The following MAN1A2 variants were observed in gnomAD, a reference collection of about 807,000 sequenced individuals.
The protein encoded by MAN1A2 is mannosyl-oligosaccharide 1,2-alpha-mannosidase IB.
In MAN1A2, 26 loss-of-function variants were observed where a neutral mutation model predicts 75.7. The observed-to-expected ratio is 0.34, with a 90% confidence interval of 0.25 to 0.48. The LOEUF (loss-of-function observed/expected upper bound fraction) is 0.48, where lower values mean the gene tolerates loss of function less well. Ranked by LOEUF, MAN1A2 falls within the 20% of genes least tolerant of loss-of-function variation. The pLI is 0.99. For synonymous variants in MAN1A2, 247 were observed against 264.6 expected (o/e 0.93, Z 0.65); for missense variants, 562 against 775.5 (o/e 0.72, Z 3.27).
intron 8 of MAN1A2, among the ~76,000 whole-genome samples, chr1:117,492,123 T>G (rs1222737824): frequency 6.6e-6 from 1 of 152,072 alleles, no homozygotes; most frequent in African/African-American, 2.4e-5. Flanking sequence ...GGCCTCCAAG[T>G]TTGAAAGAAT....
At chr1:117,476,550 G>T (rs572077787) in intron 8 of MAN1A2, among the ~76,000 whole-genome samples, 10 of 152,106 alleles carry the variant, frequency 6.6e-5, no homozygotes, top group African/African-American at 1.9e-4. Context: ...TGTAAGGAAG[G>T]GGCCCAGTTT....
intron 5 of MAN1A2, 47 bp from the exon 6 acceptor site, chr1:117,442,184 G>A: frequency 8.6e-7 from 1 of 1,164,524 alleles, no homozygotes; most frequent in East Asian, 2.3e-5. Context: ...ATAAGTAAAT[G>A]CTTACTAATG....
At chr1:117,419,576 C>G (rs1226025991) in intron 4 of MAN1A2, among the ~76,000 whole-genome samples, 1 of 152,010 alleles carries the variant, frequency 6.6e-6, no homozygotes, top group African/African-American at 2.4e-5. Flanking sequence ...GTTGGAAAGA[C>G]TTTAGAGTAA....
At chr1:117,497,717 A>G (rs1002488994) in intron 10 of MAN1A2, among the ~76,000 whole-genome samples, 10 of 152,024 alleles carry the variant, frequency 6.6e-5, no homozygotes, top group Admixed American at 1.3e-4. Context: ...TAAAAAAGAC[A>G]AAAGGTTTCT....
At chr1:117,447,939 G>GT (rs1351615282) in intron 6 of MAN1A2, among the ~76,000 whole-genome samples, 1 of 152,144 alleles carries the variant, frequency 6.6e-6, no homozygotes, top group African/African-American at 2.4e-5. Flanking sequence ...TTTTAAAATA[G>GT]TTTTTTCTAA....
intron 8 of MAN1A2, among the ~76,000 whole-genome samples, chr1:117,490,092 A>G (rs960647581): frequency 6.6e-6 from 1 of 152,030 alleles, no homozygotes; most frequent in Non-Finnish European, 1.5e-5. Flanking sequence ...AGGTGGGATG[A>G]AGTAAGAATA....
intron 1 of MAN1A2, among the ~76,000 whole-genome samples, chr1:117,396,949 T>C (rs1291563507): frequency 6.6e-6 from 1 of 151,966 alleles, no homozygotes; most frequent in Admixed American, 6.6e-5. Context: ...TTTTTTTTTT[T>C]AGTGATTGTT....
At chr1:117,481,109 C>G (rs1462940049) in intron 8 of MAN1A2, among the ~76,000 whole-genome samples, 1 of 151,884 alleles carries the variant, frequency 6.6e-6, no homozygotes, top group Non-Finnish European at 1.5e-5. Context: ...AGTATTTATC[C>G]ATTGACCTGT....
At chr1:117,430,120 C>T (rs1295612099) in intron 5 of MAN1A2, among the ~76,000 whole-genome samples, 2 of 79,268 alleles carry the variant, frequency 2.5e-5, no homozygotes, top group Non-Finnish European at 5.1e-5. Flanking sequence ...GGTAGCTGGC[C>T]GGGCTGAGGG....
At chr1:117,405,034 G>A (rs902473622) in intron 2 of MAN1A2, among the ~76,000 whole-genome samples, 5 of 152,120 alleles carry the variant, frequency 3.3e-5, no homozygotes, top group African/African-American at 9.7e-5. Context: ...GTGACAGAGC[G>A]AGACTCCATC....
At position 117,523,396 on chromosome 1, in the gene MAN1A2, C is replaced by T; in HGVS notation, c.*439C>T. On this transcript the variant is annotated 3_prime_UTR_variant, in exon 13 of 13. Transcript: ENST00000356554. Reference sequence around the variant, plus strand: ...ATTCAAATCAAATATTTACATATTGCTTATCACTTTTTCTCCATTTTAATA... The same window carrying T: ...ATTCAAATCAAATATTTACATATTGTTTATCACTTTTTCTCCATTTTAATA... 2.8e-6 allele frequency: 1 copy of T among 358,398 alleles called. No homozygotes were observed. The highest frequency in any genetic ancestry group is 3.8e-5 in the Admixed American group (1 of 26,384). 22.2% of individuals were successfully genotyped at this position (358,398 alleles called of 1,614,324 possible). A position where few individuals can be genotyped will look rare whatever the true frequency, so the allele number is the denominator to read the frequency against.
chr1:117,499,811 TAAGTA>T (rs1457224554), intron 11 of MAN1A2, among the ~76,000 whole-genome samples: 2 of 150,374 alleles, frequency 1.3e-5, no homozygotes, highest in Non-Finnish European at 3.0e-5. Flanking sequence ...AATGGTTAGT[TAAGTA>T]AAGGAAGCAA....
chr1:117,398,890 G>A (rs574550900), intron 1 of MAN1A2, among the ~76,000 whole-genome samples: 1 of 152,260 alleles, frequency 6.6e-6, no homozygotes, highest in East Asian at 1.9e-4. Flanking sequence ...AGCACATTGG[G>A]TCTATAGTAT....
intron 12 of MAN1A2, among the ~76,000 whole-genome samples, chr1:117,507,122 A>G (rs1046244639): frequency 5.9e-5 from 9 of 151,726 alleles, no homozygotes; most frequent in Admixed American, 1.3e-4. Context: ...CCAAAAATAG[A>G]AGGATATGTT....
chr1:117,512,136 G>C (rs1444829543), intron 12 of MAN1A2, among the ~76,000 whole-genome samples: 1 of 152,074 alleles, frequency 6.6e-6, no homozygotes, highest in East Asian at 1.9e-4. Flanking sequence ...TTAGTTTTAG[G>C]AGGTGTCTGA....
At chr1:117,435,177 TAAGTTTGGGAGTCAGTTGCTGGG>T (rs1307138717) in intron 5 of MAN1A2, among the ~76,000 whole-genome samples, 4 of 152,012 alleles carry the variant, frequency 2.6e-5, no homozygotes, top group Non-Finnish European at 5.9e-5. Context: ...ACTGGAGATA[TAAGTTTGGGAGTCAGTTGCTGGG>T]TAGCTGATAA....
At chr1:117,493,573 G>T (rs1043934484) in intron 9 of MAN1A2, 7 of 179,940 alleles carry the variant, frequency 3.9e-5, no homozygotes, top group African/African-American at 1.4e-4. Flanking sequence ...TTGAGGTCAG[G>T]AGTTCAAGAC....
intron 4 of MAN1A2, among the ~76,000 whole-genome samples, chr1:117,416,900 G>A: frequency 6.6e-6 from 1 of 152,134 alleles, no homozygotes; most frequent in South Asian, 2.1e-4. Context: ...AAACCATGAG[G>A]CTGATTTGGG....
At chr1:117,372,017 C>T (rs924891234) in intron 1 of MAN1A2, among the ~76,000 whole-genome samples, 1 of 152,040 alleles carries the variant, frequency 6.6e-6, no homozygotes, top group African/African-American at 2.4e-5. Flanking sequence ...AAATTCTAGT[C>T]AGGATTCTAG....
Sources: allele counts gnomAD v4.1 joint callset (sites outside exome capture counted in the v4.1 genomes callset), GRCh38; gene constraint gnomAD v4.1.1; transcripts MANE v1.5; gene names NCBI Gene and HGNC (gene_info 2026-07-23, HGNC 2026-07-21).